NME9: variants seen among roughly 807,000 people sequenced by gnomAD.
The protein encoded by NME9 is thioredoxin domain-containing protein 6.
In NME9, 48 loss-of-function variants were observed where a neutral mutation model predicts 44.4. That is an observed-to-expected ratio of 1.08 (90% CI 0.86 to 1.37). The LOEUF (loss-of-function observed/expected upper bound fraction) is 1.37. Among genes scored for constraint, NME9 ranks in the 40% most tolerant of loss-of-function variants. The probability of loss-of-function intolerance (pLI) is 0.00; values close to 1 mark genes in which losing one functional copy is unlikely to be tolerated. For missense variants in NME9, 325 were observed against 405.2 expected, an observed-to-expected ratio of 0.80 and a Z score of 1.70; for synonymous variants, 139 against 147.1, an observed-to-expected ratio of 0.94 and a Z score of 0.40.
exon 9 of NME9, chr3:138,261,675 A>T (rs2047757314): frequency 6.6e-6 from 1 of 152,232 alleles, no homozygotes; most frequent in Non-Finnish European, 1.5e-5. Flanking sequence ...TAAAGTTTGG[A>T]CACTTAAACG....
At chr3:138,280,034 G>A (rs1447435353) in intron 8 of NME9, among the ~76,000 whole-genome samples, 2 of 151,866 alleles carry the variant, frequency 1.3e-5, no homozygotes, top group East Asian at 3.9e-4. Flanking sequence ...CTCCCAAGTA[G>A]CTGGGATTAC....
chr3:138,312,114 G>GAC (rs370367722), intron 6 of NME9, among the ~76,000 whole-genome samples: 14 of 151,618 alleles, frequency 9.2e-5, no homozygotes, highest in South Asian at 2.1e-4. Flanking sequence ...AATTGAAGAG[G>GAC]ACACACACAC....
chr3:138,310,399 C>T (rs1428209975), intron 6 of NME9, among the ~76,000 whole-genome samples: 2 of 151,188 alleles, frequency 1.3e-5, no homozygotes, highest in Non-Finnish European at 2.9e-5. Context: ...AGTCAAACTG[C>T]ATACTAGACC....
intron 2 of NME9, among the ~76,000 whole-genome samples, chr3:138,323,234 A>G (rs780058324): frequency 2.0e-5 from 3 of 152,234 alleles, no homozygotes; most frequent in Non-Finnish European, 4.4e-5. Flanking sequence ...TGGCCAAGAC[A>G]GTGAAACCCC....
chr3:138,278,223 G>A (rs189724729), intron 8 of NME9, among the ~76,000 whole-genome samples: 157 of 152,094 alleles, frequency 1.0e-3, no homozygotes, highest in African/African-American at 3.7e-3. Context: ...TATACATTTG[G>A]TAGGCCAGGC....
At chr3:138,267,986 T>G (rs1428185872) in intron 8 of NME9, among the ~76,000 whole-genome samples, 2 of 152,140 alleles carry the variant, frequency 1.3e-5, no homozygotes, top group East Asian at 3.9e-4. Context: ...TTCATGCGTG[T>G]AAACCCAGCA....
chr3:138,324,393 G>A, intron 2 of NME9: 1 of 451,060 alleles, frequency 2.2e-6, no homozygotes. Context: ...TTGTTGTAAA[G>A]CACTAAGTTT....
intron 8 of NME9, among the ~76,000 whole-genome samples, chr3:138,271,465 G>A (rs2048779164): frequency 6.6e-6 from 1 of 152,120 alleles, no homozygotes; most frequent in African/African-American, 2.4e-5. Context: ...TCACTTAAAT[G>A]GCGTATGGGA....
At chr3:138,314,128 TTA>T (rs1249116642) in intron 6 of NME9, among the ~76,000 whole-genome samples, 2 of 152,218 alleles carry the variant, frequency 1.3e-5, no homozygotes, top group African/African-American at 4.8e-5. Flanking sequence ...CCTGATTTAA[TTA>T]TATGAGTGTA....
intron 1 of NME9, among the ~76,000 whole-genome samples, chr3:138,328,434 T>C (rs1375164823): frequency 7.1e-6 from 1 of 141,076 alleles, no homozygotes; most frequent in East Asian, 2.1e-4. Flanking sequence ...GCTTTTGAAA[T>C]CCACATGCAA....
chr3:138,314,418 T>C lies in NME9; in HGVS notation c.385-11A>G, dbSNP rs745439429. 7 of 1,571,682 alleles carry C rather than the reference T, an allele frequency of 4.5e-6. No individual in the cohort carries two copies. Among genetic ancestry groups the C allele is most frequent in the African/African-American group, 1.4e-5 (1 of 73,674 alleles). On this transcript the variant is annotated splice_polypyrimidine_tract_variant and intron_variant, in intron 5 of 10. Transcript: ENST00000333911. ...AGCCTCATCTTTAATCTAGTACAAA[T>C]TGGTCATTAAAAGAAAGTAGTTAGC...
intron 8 of NME9, among the ~76,000 whole-genome samples, chr3:138,278,396 C>T (rs575890561): frequency 1.1e-3 from 165 of 151,560 alleles, no homozygotes; most frequent in Non-Finnish European, 1.9e-3. Context: ...CCCAGCTACT[C>T]GGGAGGCTGA....
At chr3:138,274,322 A>G in intron 8 of NME9, 1 of 632,826 alleles carries the variant, frequency 1.6e-6, no homozygotes, top group East Asian at 2.7e-5. Context: ...TTTGGCATCT[A>G]GTTCTATATG....
rs932072368 is a variant in NME9 at position 138,306,197 on chromosome 3, T to G, written c.544-101A>C. The G allele has an allele frequency of 2.2e-5, 21 of 950,864 alleles. No individual in the cohort carries two copies. The Admixed American group carries it at 3.9e-4, about 18-fold the overall frequency. The allele number at this position is 950,864 out of a possible 1,614,324, so 58.9% of individuals were successfully genotyped here. ...GGTAAAAAATAAAGACAGGCAACATTAAAGGCTGTGGAGACACTGATCCCC... is the reference window on the plus strand; with the variant it reads ...GGTAAAAAATAAAGACAGGCAACATGAAAGGCTGTGGAGACACTGATCCCC... On this transcript the variant is annotated intron_variant, in intron 7 of 10. Transcript: ENST00000333911.
intron 8 of NME9, chr3:138,263,420 C>G: frequency 3.7e-6 from 1 of 271,458 alleles, no homozygotes. Flanking sequence ...TCATTTATTT[C>G]TTTTCCTTTT....
rs1420632432 is a variant in NME9 at position 138,329,272 on chromosome 3, G to A, written c.33+31C>T. On this transcript the variant is annotated intron_variant, in intron 1 of 10. Coordinates refer to ENST00000333911, the MANE Select transcript of NME9 (RefSeq NM_001349018.2). ...CCTCCTCTTCCCCGAGCCCAACCCA[G>A]AGCTGGAAGCTAGCGCCCCTTGAGG... is the stretch of plus-strand genomic sequence containing the variant. 3.3e-6 allele frequency: 5 copies of A among 1,530,222 alleles called. No homozygotes were observed. The East Asian group carries it at 1.2e-4, about 37-fold the overall frequency. The allele number at this position is 1,530,222 out of a possible 1,614,324, so 94.8% of individuals were successfully genotyped here.
intron 8 of NME9, chr3:138,263,964 C>A: frequency 1.0e-6 from 1 of 970,102 alleles, no homozygotes; most frequent in Non-Finnish European, 1.6e-6. Context: ...ATAACATTGT[C>A]TAACAGAGAG....
At chr3:138,263,587 C>A (rs568422712) in intron 8 of NME9, 1 of 695,786 alleles carries the variant, frequency 1.4e-6, no homozygotes, top group African/African-American at 1.7e-5. Context: ...ATGAGCTGCC[C>A]GCCCCCAGCG....
At chr3:138,327,998 G>T (rs2053899449) in intron 1 of NME9, among the ~76,000 whole-genome samples, 1 of 152,142 alleles carries the variant, frequency 6.6e-6, no homozygotes, top group Non-Finnish European at 1.5e-5. Context: ...TCACAGCTCT[G>T]CAGGCGTTAC....
Sources: allele counts gnomAD v4.1 joint callset (sites outside exome capture counted in the v4.1 genomes callset), GRCh38; gene constraint gnomAD v4.1.1; transcripts MANE v1.5; gene names NCBI Gene and HGNC (gene_info 2026-07-23, HGNC 2026-07-21).